BCAM: variants seen among roughly 807,000 people sequenced by gnomAD.
The protein encoded by BCAM is basal cell adhesion molecule (Lutheran blood group).
BCAM carries 61 observed loss-of-function variants against 72.4 expected under a neutral mutation model. The observed-to-expected ratio is 0.84, with a 90% CI of 0.69 to 1.04. The LOEUF is 1.04. Ranked by LOEUF, BCAM falls within the 50% of genes least tolerant of loss-of-function variation. The pLI is 0.00. For synonymous variants in BCAM, 408 were observed against 384.2 expected (o/e 1.06, Z -0.73); for missense variants, 909 against 895.0 (o/e 1.02, Z -0.20).
At position 44,814,273 on chromosome 19, in the gene BCAM, G is replaced by A. The variant is rs748483925; in HGVS notation, c.906G>A (p.Thr302=). 29 of 1,595,888 alleles carry A rather than the reference G, an allele frequency of 1.8e-5. No individual in the cohort carries two copies. The highest frequency in any genetic ancestry group is 4.5e-5 in the East Asian group (2 of 44,370). ...ACGGCAGCCCCAGCCCGGAGTATAC[G>A]CTTTTCCGCCTTCAGGTGACCCACC... The part of the protein sequence containing the change: ...RGDGSPSPEY[T]LFRLQDEQEE... Residue 302 remains threonine, a synonymous_variant, in exon 7 of 15, where the codon ACG becomes ACA. Coordinates refer to ENST00000270233, the MANE Select transcript of BCAM (RefSeq NM_005581.5). The surrounding 1 kb of genome is among the most constrained non-coding windows in gnomAD (Gnocchi z 4.6).
Position 44,814,155 on chromosome 19 carries a change from C to T in BCAM, c.788C>T (p.Pro263Leu). The T allele has an allele frequency of 3.8e-6, 6 of 1,583,242 alleles. No individual in the cohort carries two copies. Among genetic ancestry groups the T allele is most frequent in the Non-Finnish European group, 5.1e-6 (6 of 1,171,450 alleles). The change falls in exon 7 of 15, where the codon CCC (proline) becomes CTC (leucine). Residue 263 changes from proline to leucine, a missense_variant. Transcript: ENST00000270233. The surrounding 1 kb of genome is among the most constrained non-coding windows in gnomAD (Gnocchi z 4.6). ...SPTFHLTLHY[P>L]TEHVQFWVGS... ...CATCTCCCTGCCCTTCCCTTAGATCCCACGGAGCACGTGCAGTTCTGGGTG... is the reference window on the plus strand; with the variant it reads ...CATCTCCCTGCCCTTCCCTTAGATCTCACGGAGCACGTGCAGTTCTGGGTG...
Position 44,821,099 on chromosome 19 carries a change from A to G in BCAM, c.*178A>G, listed in dbSNP as rs1599891423. The G allele has an allele frequency of 1.5e-5, 4 of 258,588 alleles. No homozygotes were observed. The highest frequency in any genetic ancestry group is 6.3e-5 in the South Asian group (1 of 15,892). 16.0% of individuals were successfully genotyped at this position (258,588 alleles called of 1,614,324 possible). A position where few individuals can be genotyped will look rare whatever the true frequency, so the allele number is the denominator to read the frequency against. On this transcript the variant is annotated 3_prime_UTR_variant, in exon 15 of 15. Transcript: ENST00000270233. ...CCCACAGTGGCTGCCTGCCTCCGGG[A>G]GGGAAGGAGAGGGAGGGTGGGTGGG... is the stretch of plus-strand genomic sequence containing the variant.
intron 8 of BCAM, among the ~76,000 whole-genome samples, chr19:44,816,101 T>A (rs1003099564): frequency 6.6e-6 from 1 of 152,094 alleles, no homozygotes; most frequent in African/African-American, 2.4e-5. Flanking sequence ...GTGGATCACC[T>A]GAGGTCAGGA....
intron 13 of BCAM, 181 bp from the exon 14 acceptor site, chr19:44,820,524 C>T (rs1279171909): frequency 7.8e-7 from 1 of 1,283,092 alleles, no homozygotes; most frequent in Non-Finnish European, 9.8e-7. Flanking sequence ...CCATGCCCAA[C>T]CCTAACCCCA....
At chr19:44,817,890 G>A (rs941092534) in intron 8 of BCAM, among the ~76,000 whole-genome samples, 3 of 152,216 alleles carry the variant, frequency 2.0e-5, no homozygotes, top group Non-Finnish European at 4.4e-5. Context: ...CTCAGTGGAG[G>A]ATGGACAAGA....
chr19:44,811,780 G>T, intron 2 of BCAM: 1 of 340,076 alleles, frequency 2.9e-6, no homozygotes, highest in Non-Finnish European at 5.4e-6. Flanking sequence ...AGCTACTCAG[G>T]AGGCTGAGGC....
rs142994141 is a variant in BCAM at position 44,814,121 on chromosome 19, C to G, written c.785-31C>G. On this transcript the variant is annotated intron_variant, in intron 6 of 14. Coordinates refer to ENST00000270233, the MANE Select transcript of BCAM (RefSeq NM_005581.5). This position sits in a 1 kb window ranked among gnomAD's most constrained non-coding sequence, Gnocchi z 4.6. Reference sequence around the variant, plus strand: ...CTCTAGCCTTGACCCTTCCCCTGATCACAATTCCCATCTCCCTGCCCTTCC... The same window carrying G: ...CTCTAGCCTTGACCCTTCCCCTGATGACAATTCCCATCTCCCTGCCCTTCC... The G allele has an allele frequency of 9.9e-5, 154 of 1,557,506 alleles. 1 individual carries two copies. The East Asian group carries it at 3.3e-3, about 33-fold the overall frequency.
intron 1 of BCAM, among the ~76,000 whole-genome samples, chr19:44,810,719 G>T (rs892040052): frequency 7.2e-5 from 11 of 152,216 alleles, no homozygotes; most frequent in Admixed American, 5.9e-4. Flanking sequence ...GCCCTGGGGG[G>T]TGGCGTGTGC....
rs201966991 is a variant in BCAM, at chr19:44,814,724, G to A, written c.1042G>A (p.Val348Met). The change falls in exon 8 of 15, where the codon GTG (valine) becomes ATG (methionine). Residue 348 changes from valine to methionine, a missense_variant. By Grantham distance (21) the Val-to-Met change is conservative. Coordinates refer to ENST00000270233, the MANE Select transcript of BCAM (RefSeq NM_005581.5). The surrounding 1 kb of genome is among the most constrained non-coding windows in gnomAD (Gnocchi z 4.6). ...GGAGGATTACGACGCGGCAGATGAC[G>A]TGCAGCTCTCCAAGACGCTGGAGCT... ...RVEDYDAADD[V>M]QLSKTLELRV... 43 of 1,613,662 alleles carry A rather than the reference G, an allele frequency of 2.7e-5. No homozygotes were observed. Among genetic ancestry groups the A allele is most frequent in the South Asian group, 9.9e-5 (9 of 91,066 alleles).
Position 44,812,377 on chromosome 19 carries a change from G to T in BCAM, c.419G>T (p.Arg140Leu), listed in dbSNP as rs760604448. ...GCAGGCACTGCTGAGGCCACTGCGC[G>T]GCTCAACGTGTTTGGTAAGTGTCCT... Reference protein sequence around the residue: ...GAAGTAEATARLNVFAKPEAT... With the variant: ...GAAGTAEATALLNVFAKPEAT... The change falls in exon 3 of 15, where the codon CGG becomes CTG. Residue 140 changes from arginine to leucine, a missense_variant. Transcript: ENST00000270233. This position sits in a 1 kb window ranked among gnomAD's most constrained non-coding sequence, Gnocchi z 5.3. The T allele has an allele frequency of 5.0e-6, 8 of 1,613,878 alleles. No homozygotes were observed. Among genetic ancestry groups the T allele is most frequent in the East Asian group, 2.2e-5 (1 of 44,892 alleles).
rs1715718011 is a variant in BCAM at position 44,809,173 on chromosome 19, C to T, written c.49C>T (p.Leu17=). The stretch of plus-strand genomic sequence containing the variant: ...CCAGGCGCGCGGGGCCCCGCGGCTG[C>T]TGTTGCTCGCAGTCCTGCTGGCGGC... ...PAQARGAPRL[L]LLAVLLAAHP... is the part of the protein sequence containing the mutation. The change falls in exon 1 of 15, where the codon CTG becomes TTG. Residue 17 remains leucine (L), a synonymous_variant. Transcript: ENST00000270233. 5 of 1,476,852 alleles carry T rather than the reference C, an allele frequency of 3.4e-6. No individual in the cohort carries two copies. Among genetic ancestry groups the T allele is most frequent in the Non-Finnish European group, 4.5e-6 (5 of 1,116,726 alleles). The allele number at this position is 1,476,852 out of a possible 1,614,324, so 91.5% of individuals were successfully genotyped here.
rs778466916 is a variant in BCAM, at chr19:44,819,364, G to A, written c.1492G>A (p.Gly498Arg). Residue 498 changes from glycine to arginine, a missense_variant, in exon 12 of 15, where the codon GGA becomes AGA. Coordinates refer to ENST00000270233, the MANE Select transcript of BCAM (RefSeq NM_005581.5). ...LGGSPAEPIPGRQGWVSSSLT... is the reference protein window; with the variant it reads ...LGGSPAEPIPRRQGWVSSSLT... ...TCCATAGCCCGCAGAGCCAATCCCC[G>A]GACGGCAGGGTTGGGTGAGCAGCTC... 2.4e-5 allele frequency: 39 copies of A among 1,613,910 alleles called. No homozygotes were observed. The highest frequency in any genetic ancestry group is 5.3e-5 in the African/African-American group (4 of 74,898).
intron 8 of BCAM, among the ~76,000 whole-genome samples, chr19:44,815,013 G>A (rs986466322): frequency 6.6e-6 from 1 of 151,518 alleles, no homozygotes; most frequent in African/African-American, 2.4e-5. Flanking sequence ...AAAGTGCTGG[G>A]ATTACAGGAG....
chr19:44,819,201 C>A lies in BCAM; in HGVS notation c.1473+9C>A. 1 of 1,613,904 alleles carries A rather than the reference C, an allele frequency of 6.2e-7. No individual in the cohort carries two copies. The highest frequency in any genetic ancestry group is 8.5e-7 in the Non-Finnish European group (1 of 1,179,886). ...GCCAATTGGGGGGCAGCGTAAGGGACCTTCCTCTCCACCCTGAGCCCCCTC... is the reference window on the plus strand; with the variant it reads ...GCCAATTGGGGGGCAGCGTAAGGGAACTTCCTCTCCACCCTGAGCCCCCTC... On this transcript the variant is annotated intron_variant, in intron 11 of 14. Coordinates refer to ENST00000270233, the MANE Select transcript of BCAM (RefSeq NM_005581.5).
At chr19:44,809,272 G>A in intron 1 of BCAM, 66 bp downstream of exon 1, 1 of 1,314,970 alleles carries the variant, frequency 7.6e-7, no homozygotes, top group Non-Finnish European at 9.8e-7. Flanking sequence ...GGAAAGCGAG[G>A]AGAAAGGGCT....
At chr19:44,811,917 G>A (rs1176698498) in intron 2 of BCAM, 3 of 553,016 alleles carry the variant, frequency 5.4e-6, no homozygotes, top group Non-Finnish European at 9.4e-6. Context: ...AGAGACAATC[G>A]GGAGAGGGAG....
In BCAM at chr19:44,821,240, T is replaced by C; in HGVS notation, c.*319T>C. 1 of 343,278 alleles carries C rather than the reference T, an allele frequency of 2.9e-6. No individual in the cohort carries two copies. The highest frequency in any genetic ancestry group is 4.5e-5 in the East Asian group (1 of 22,110). 21.3% of individuals were successfully genotyped at this position (343,278 alleles called of 1,614,324 possible). A position where few individuals can be genotyped will look rare whatever the true frequency, so the allele number is the denominator to read the frequency against. On this transcript the variant is annotated 3_prime_UTR_variant, in exon 15 of 15. Coordinates refer to ENST00000270233, the MANE Select transcript of BCAM (RefSeq NM_005581.5). ...TCCGAGGGTCGGCTGGCCGGAGCTATTTTTACCTCCCGCCTCCCCTGCTGG... is the reference window on the plus strand; with the variant it reads ...TCCGAGGGTCGGCTGGCCGGAGCTACTTTTACCTCCCGCCTCCCCTGCTGG...
At chr19:44,809,620 A>T (rs1968390869) in intron 1 of BCAM, among the ~76,000 whole-genome samples, 1 of 151,978 alleles carries the variant, frequency 6.6e-6, no homozygotes, top group Middle Eastern at 3.2e-3. Context: ...AAAGGTCCTC[A>T]AGTTTTGAGA....
Position 44,814,266 on chromosome 19 carries a change from A to C in BCAM, c.899A>C (p.Glu300Ala). The C allele has an allele frequency of 6.3e-7, 1 of 1,595,610 alleles. No individual in the cohort carries two copies. Among genetic ancestry groups the C allele is most frequent in the Non-Finnish European group, 8.5e-7 (1 of 1,175,788 alleles). The change falls in exon 7 of 15, where the codon GAG (glutamate) becomes GCG (alanine). Residue 300 changes from glutamate to alanine, a missense_variant. Transcript: ENST00000270233. This position sits in a 1 kb window ranked among gnomAD's most constrained non-coding sequence, Gnocchi z 4.6. Reference protein sequence around the residue: ...LCRGDGSPSPEYTLFRLQDEQ... With the variant: ...LCRGDGSPSPAYTLFRLQDEQ... The stretch of plus-strand genomic sequence containing the variant: ...CGGGGGGACGGCAGCCCCAGCCCGG[A>C]GTATACGCTTTTCCGCCTTCAGGTG...
Sources: allele counts gnomAD v4.1 joint callset (sites outside exome capture counted in the v4.1 genomes callset), GRCh38; gene constraint gnomAD v4.1.1; non-coding constraint Gnocchi (gnomAD v3.1); transcripts MANE v1.5; gene names NCBI Gene and HGNC (gene_info 2026-07-23, HGNC 2026-07-21).